Variants in MGAT5 observed in about 807,000 individuals in gnomAD.
MGAT5 encodes the protein alpha-1,6-mannosylglycoprotein 6-beta-N-acetylglucosaminyltransferase.
In MGAT5, 30 loss-of-function variants were observed where a neutral mutation model predicts 94.3. The observed-to-expected ratio is 0.32, with a 90% CI of 0.24 to 0.43. The LOEUF (loss-of-function observed/expected upper bound fraction) is 0.43, where lower values mean the gene tolerates loss of function less well. Among genes scored for constraint, MGAT5 ranks in the 20% least tolerant of loss-of-function variants. The pLI is 1.00. For missense variants in MGAT5, 691 were observed against 905.5 expected, an observed-to-expected ratio of 0.76 and a Z score of 3.04; for synonymous variants, 310 against 322.9, an observed-to-expected ratio of 0.96 and a Z score of 0.43.
chr2:134,209,152 A>ATTTTTTTTTTTTTTTTTATT (rs1680176860), intron 1 of MGAT5, among the ~76,000 whole-genome samples: 6 of 20,776 alleles, frequency 2.9e-4, no homozygotes, highest in Non-Finnish European at 3.9e-4. Context: ...TTTTTTTTTT[A>ATTTTTTTTTTTTTTTTTATT]TTTTTTTTTT....
At chr2:134,422,716 T>G in intron 12 of MGAT5, 87 bp from the exon 13 acceptor site, 3 of 940,618 alleles carry the variant, frequency 3.2e-6, no homozygotes, top group Non-Finnish European at 5.1e-6. Flanking sequence ...CGATTATAAC[T>G]CAGTACCATA....
Position 134,448,888 on chromosome 2 carries a change from C to T in MGAT5, c.*41C>T, listed in dbSNP as rs1319285115. On this transcript the variant is annotated 3_prime_UTR_variant, in exon 16 of 16. Coordinates refer to ENST00000281923, the MANE Select transcript of MGAT5 (RefSeq NM_002410.5). Reference sequence around the variant, plus strand: ...CCCTGCACCATGCTGCTGGGGAAGACAGTGGCCCCAGCCCCGTCAGGCAGG... The same window carrying T: ...CCCTGCACCATGCTGCTGGGGAAGATAGTGGCCCCAGCCCCGTCAGGCAGG... 1 of 1,583,340 alleles carries T rather than the reference C, an allele frequency of 6.3e-7. No individual in the cohort carries two copies. The highest frequency in any genetic ancestry group is 1.1e-5 in the South Asian group (1 of 89,224).
intron 1 of MGAT5, among the ~76,000 whole-genome samples, chr2:134,237,142 T>TGTGTGTGTGTGTGTGCGC (rs1681685241): frequency 7.2e-6 from 1 of 137,974 alleles, no homozygotes; most frequent in Non-Finnish European, 1.6e-5. Flanking sequence ...TGTGTGTGTG[T>TGTGTGTGTGTGTGTGCGC]GTGTGTGCGC....
chr2:134,400,549 T>C (rs1682984106), intron 10 of MGAT5, among the ~76,000 whole-genome samples: 1 of 152,144 alleles, frequency 6.6e-6, no homozygotes, highest in South Asian at 2.1e-4. Context: ...TTTTCTGGGA[T>C]TTAATGGTAA....
chr2:134,300,568 CTT>C (rs1460532001), intron 2 of MGAT5, among the ~76,000 whole-genome samples: 1 of 152,106 alleles, frequency 6.6e-6, no homozygotes, highest in African/African-American at 2.4e-5. Flanking sequence ...GAGAAGAACA[CTT>C]TACCAACAGT....
chr2:134,128,287 AAAGAGGGAGTG>A (rs1238440360), intron 1 of MGAT5, among the ~76,000 whole-genome samples: 2 of 152,102 alleles, frequency 1.3e-5, no homozygotes, highest in Non-Finnish European at 2.9e-5. Flanking sequence ...GAGAAAGAAG[AAAGAGGGAGTG>A]ATCAGAGAGC....
intron 4 of MGAT5, among the ~76,000 whole-genome samples, chr2:134,322,419 G>A (rs1369006034): frequency 6.6e-6 from 1 of 152,130 alleles, no homozygotes; most frequent in Admixed American, 6.6e-5. Flanking sequence ...TTGGTGTTTT[G>A]ATATGGGTCT....
intron 1 of MGAT5, among the ~76,000 whole-genome samples, chr2:134,233,030 G>T (rs1681451127): frequency 6.6e-6 from 1 of 152,212 alleles, no homozygotes; most frequent in Admixed American, 6.5e-5. Flanking sequence ...TATGCTAGAA[G>T]AATAGTATAG....
chr2:134,272,520 C>T (rs1311960677), intron 2 of MGAT5, among the ~76,000 whole-genome samples: 25 of 152,114 alleles, frequency 1.6e-4, no homozygotes, highest in Non-Finnish European at 7.4e-5. Flanking sequence ...AAAGAATACA[C>T]ATGCATAAAA....
At chr2:134,221,479 G>C (rs556559739) in intron 1 of MGAT5, among the ~76,000 whole-genome samples, 30 of 152,298 alleles carry the variant, frequency 2.0e-4, no homozygotes, top group Middle Eastern at 6.8e-3. Flanking sequence ...GAGAGAAAGA[G>C]AGAGCAGGTT....
intron 2 of MGAT5, among the ~76,000 whole-genome samples, chr2:134,287,045 A>G (rs1318292906): frequency 2.0e-5 from 3 of 152,110 alleles, no homozygotes; most frequent in Non-Finnish European, 4.4e-5. Flanking sequence ...TGAACTGTTT[A>G]TTGAGTAGTC....
chr2:134,138,421 G>C (rs1328280456), intron 1 of MGAT5, among the ~76,000 whole-genome samples: 1 of 152,144 alleles, frequency 6.6e-6, no homozygotes, highest in Non-Finnish European at 1.5e-5. Flanking sequence ...CCCATGTGTG[G>C]TCCATCTTCT....
At chr2:134,242,224 T>C (rs1450602008) in intron 1 of MGAT5, among the ~76,000 whole-genome samples, 1 of 152,236 alleles carries the variant, frequency 6.6e-6, no homozygotes, top group Non-Finnish European at 1.5e-5. Flanking sequence ...CTGTGTGGAA[T>C]TACTGCTTTA....
At position 134,214,529 on chromosome 2, in the gene MGAT5, C is replaced by T. The variant is rs543288836; in HGVS notation, c.-142-39733C>T. ...GTTTTGGGCCGCATTCAAAGCTGTC[C>T]TTGGCTGCATTTAGCCCTTGGGCCA... On this transcript the variant is annotated intron_variant, in intron 1 of 16. Transcript: ENST00000409645. 2.6e-5 allele frequency among the ~76,000 whole-genome samples: 4 copies of T among 151,830 alleles called. No individual in the cohort carries two copies. The East Asian group carries it at 7.9e-4, about 30-fold the overall frequency.
chr2:134,378,705 TC>T (rs1681352881), intron 10 of MGAT5, among the ~76,000 whole-genome samples: 1 of 149,594 alleles, frequency 6.7e-6, no homozygotes, highest in Non-Finnish European at 1.5e-5. Flanking sequence ...CACCTGTGAC[TC>T]CCGGGTTCAA....
At chr2:134,139,729 A>C (rs1686578068) in intron 1 of MGAT5, among the ~76,000 whole-genome samples, 1 of 152,224 alleles carries the variant, frequency 6.6e-6, no homozygotes, top group African/African-American at 2.4e-5. Context: ...GTTTCATAAC[A>C]GAGTGGTTCT....
chr2:134,206,614 G>T (rs955548688), intron 1 of MGAT5, among the ~76,000 whole-genome samples: 28 of 152,312 alleles, frequency 1.8e-4, no homozygotes, highest in African/African-American at 6.3e-4. Context: ...TGGAATAAGG[G>T]TCTTTGCAGA....
chr2:134,314,407 C>T (rs1686878099), intron 2 of MGAT5, among the ~76,000 whole-genome samples: 1 of 152,194 alleles, frequency 6.6e-6, no homozygotes. Flanking sequence ...GTCTAGTTCT[C>T]CCTGAGCCCA....
chr2:134,228,814 C>G (rs1681201789), intron 1 of MGAT5, among the ~76,000 whole-genome samples: 1 of 152,238 alleles, frequency 6.6e-6, no homozygotes, highest in South Asian at 2.1e-4. Context: ...TTTCCTGCAC[C>G]ATAGAGGGCA....
Sources: allele counts gnomAD v4.1 joint callset (sites outside exome capture counted in the v4.1 genomes callset), GRCh38; gene constraint gnomAD v4.1.1; transcripts MANE v1.5; gene names NCBI Gene and HGNC (gene_info 2026-07-23, HGNC 2026-07-21).